MAGI1: variants seen among roughly 807,000 people sequenced by gnomAD.
The protein encoded by MAGI1 is membrane associated guanylate kinase, WW and PDZ domain containing 1, also known as membrane-associated guanylate kinase, WW and PDZ domain-containing protein 1.
In MAGI1, 58 loss-of-function variants were observed where a neutral mutation model predicts 139.9. That is an observed-to-expected ratio of 0.41 (90% CI 0.34 to 0.52). The LOEUF (loss-of-function observed/expected upper bound fraction) is 0.52, where lower values mean the gene tolerates loss of function less well. MAGI1 is among the 20% of genes least tolerant of loss of function. The pLI, the probability that MAGI1 is intolerant of heterozygous loss-of-function variation, is 0.12. For synonymous variants in MAGI1, 812 were observed against 737.9 expected (o/e 1.10, Z -1.63); for missense variants, 1,874 against 1,901.6 (o/e 0.99, Z 0.27).
intron 17 of MAGI1, 42 bp downstream of exon 17, chr3:65,379,219 G>A (rs1250170152): frequency 6.2e-7 from 1 of 1,607,190 alleles, no homozygotes; most frequent in Non-Finnish European, 8.5e-7. Flanking sequence ...AAACTCCCAG[G>A]CATGGTGGGA....
intron 1 of MAGI1, among the ~76,000 whole-genome samples, chr3:65,730,254 G>C (rs1314544434): frequency 6.6e-6 from 1 of 152,096 alleles, no homozygotes; most frequent in East Asian, 1.9e-4. Flanking sequence ...CACAAAATCT[G>C]GAAGTGATCC....
intron 2 of MAGI1, among the ~76,000 whole-genome samples, chr3:65,545,801 A>G (rs1260347681): frequency 3.9e-5 from 6 of 152,104 alleles, no homozygotes; most frequent in Admixed American, 3.9e-4. Context: ...TGATGATCCC[A>G]TCAAAAGCTT....
chr3:65,688,651 C>T (rs1019453924), intron 1 of MAGI1, among the ~76,000 whole-genome samples: 2 of 152,070 alleles, frequency 1.3e-5, no homozygotes, highest in Admixed American at 1.3e-4. Context: ...GCTTAGCAGC[C>T]AATATCAAAT....
intron 1 of MAGI1, among the ~76,000 whole-genome samples, chr3:65,980,082 T>C (rs1368130152): frequency 6.6e-5 from 10 of 152,138 alleles, no homozygotes; most frequent in Admixed American, 6.6e-4. Flanking sequence ...AGTGGTGGGA[T>C]TAATTATACA....
chr3:65,969,939 A>G lies in MAGI1; in HGVS notation c.313+68057T>C, dbSNP rs574354706. Among the ~76,000 whole-genome samples the G allele has an allele frequency of 2.0e-5, 3 of 152,308 alleles. No homozygotes were observed. The East Asian group carries it at 5.8e-4, about 29-fold the overall frequency. On this transcript the variant is annotated intron_variant, in intron 1 of 22. Coordinates refer to ENST00000402939, the MANE Select transcript of MAGI1 (RefSeq NM_001033057.2). Reference sequence around the variant, plus strand: ...CCTTTAGAACAGTTGCCAGCATACCATGGGGGCTTAATAAGTACTTGCTGA... The same window carrying G: ...CCTTTAGAACAGTTGCCAGCATACCGTGGGGGCTTAATAAGTACTTGCTGA...
At chr3:65,539,837 G>C (rs908602376) in intron 2 of MAGI1, among the ~76,000 whole-genome samples, 5 of 152,188 alleles carry the variant, frequency 3.3e-5, no homozygotes, top group Admixed American at 1.3e-4. Flanking sequence ...TTCACCACAA[G>C]TGCATTTTCC....
chr3:65,871,088 A>C (rs993063502), intron 1 of MAGI1, among the ~76,000 whole-genome samples: 1 of 151,908 alleles, frequency 6.6e-6, no homozygotes, highest in African/African-American at 2.4e-5. Flanking sequence ...ACAGGCACAC[A>C]CCACCACGCC....
At chr3:65,551,297 T>C (rs2079817895) in intron 2 of MAGI1, among the ~76,000 whole-genome samples, 1 of 152,126 alleles carries the variant, frequency 6.6e-6, no homozygotes, top group Non-Finnish European at 1.5e-5. Flanking sequence ...TAAACCACTT[T>C]CCTTTTTTAT....
At chr3:65,933,682 G>A (rs6787355) in intron 1 of MAGI1, among the ~76,000 whole-genome samples, 35,384 of 152,036 alleles carry the variant, frequency 0.23, 5,310 homozygotes, top group Non-Finnish European at 0.32. Context: ...GCTACAATTG[G>A]CTAGATTAGG....
chr3:65,542,699 T>C (rs1006268581), intron 2 of MAGI1, among the ~76,000 whole-genome samples: 46 of 152,226 alleles, frequency 3.0e-4, no homozygotes, highest in Middle Eastern at 3.4e-3. Flanking sequence ...TGGCTAGCCA[T>C]ATGCAGAAAC....
At chr3:65,401,707 A>G in intron 12 of MAGI1, 2 of 1,515,818 alleles carry the variant, frequency 1.3e-6, no homozygotes, top group South Asian at 1.2e-5. Context: ...CTTGTACTGC[A>G]GCAGCCTGGA....
At chr3:65,764,183 T>C (rs1488198084) in intron 1 of MAGI1, among the ~76,000 whole-genome samples, 1 of 151,948 alleles carries the variant, frequency 6.6e-6, no homozygotes, top group Non-Finnish European at 1.5e-5. Context: ...CATGAAATCC[T>C]TAAATACAGT....
At chr3:65,798,204 T>C (rs1015927853) in intron 1 of MAGI1, among the ~76,000 whole-genome samples, 18 of 151,848 alleles carry the variant, frequency 1.2e-4, no homozygotes, top group Admixed American at 1.2e-3. Flanking sequence ...CTTGGGAGGC[T>C]TAGAAAAGAG....
chr3:65,803,876 T>C (rs1317763558), intron 1 of MAGI1, among the ~76,000 whole-genome samples: 1 of 152,168 alleles, frequency 6.6e-6, no homozygotes, highest in Non-Finnish European at 1.5e-5. Context: ...ATTTCTTAAA[T>C]GAATTTTGCA....
At chr3:65,756,636 T>G (rs1234739649) in intron 1 of MAGI1, among the ~76,000 whole-genome samples, 4 of 152,176 alleles carry the variant, frequency 2.6e-5, no homozygotes, top group African/African-American at 9.6e-5. Context: ...CTTTGCCAAC[T>G]GTACACACTC....
At chr3:65,498,529 C>G (rs1167287994) in intron 2 of MAGI1, among the ~76,000 whole-genome samples, 2 of 152,182 alleles carry the variant, frequency 1.3e-5, no homozygotes, top group African/African-American at 4.8e-5. Context: ...AGCACTTAAT[C>G]AATACTATTA....
At chr3:65,473,608 C>T (rs1031803293) in intron 4 of MAGI1, among the ~76,000 whole-genome samples, 22 of 134,744 alleles carry the variant, frequency 1.6e-4, no homozygotes, top group African/African-American at 6.1e-4. Context: ...ATGAGATGCA[C>T]TCAATTTAAC....
intron 8 of MAGI1, 72 bp from the exon 9 acceptor site, chr3:65,440,084 T>C: frequency 6.5e-7 from 1 of 1,548,878 alleles, no homozygotes; most frequent in African/African-American, 1.4e-5. Context: ...TCAGACCAAG[T>C]CCCTGGAATC....
At chr3:65,753,120 G>T (rs2036284734) in intron 1 of MAGI1, among the ~76,000 whole-genome samples, 1 of 152,078 alleles carries the variant, frequency 6.6e-6, no homozygotes, top group African/African-American at 2.4e-5. Flanking sequence ...ACGTCATAGT[G>T]CAACACCAAA....
Sources: allele counts gnomAD v4.1 joint callset (sites outside exome capture counted in the v4.1 genomes callset), GRCh38; gene constraint gnomAD v4.1.1; transcripts MANE v1.5; gene names NCBI Gene and HGNC (gene_info 2026-07-23, HGNC 2026-07-21).